Variants in PHYH observed in about 807,000 individuals in gnomAD.
PHYH encodes the protein phytanoyl-CoA 2-hydroxylase, also known as phytanoyl-CoA dioxygenase, peroxisomal.
In PHYH, 32 loss-of-function variants were observed where a neutral mutation model predicts 38.5. That is an observed-to-expected ratio of 0.83 (90% CI 0.63 to 1.12). PHYH has a LOEUF of 1.12. Among genes scored for constraint, PHYH ranks in the 50% most tolerant of loss-of-function variants. The pLI is 0.00. For missense variants in PHYH, 426 were observed against 434.8 expected (o/e 0.98, Z 0.18); for synonymous variants, 166 against 157.9 (o/e 1.05, Z -0.38).
intron 3 of PHYH, 178 bp from the exon 4 acceptor site, chr10:13,294,774 T>C: frequency 1.6e-6 from 1 of 627,544 alleles, no homozygotes; most frequent in East Asian, 2.8e-5. Flanking sequence ...TAGAATCCAT[T>C]CCCAGAATTA....
intron 5 of PHYH, 172 bp downstream of exon 5, chr10:13,291,659 T>A: frequency 3.3e-6 from 2 of 612,614 alleles, no homozygotes; most frequent in East Asian, 2.8e-5. Flanking sequence ...TAAATTTTAT[T>A]TTTAGAGACA....
At chr10:13,292,878 A>C (rs1012517601) in intron 4 of PHYH, among the ~76,000 whole-genome samples, 2 of 148,330 alleles carry the variant, frequency 1.3e-5, no homozygotes, top group Non-Finnish European at 3.0e-5. Context: ...GGTTGCAGTG[A>C]GCTGAGATCA....
At chr10:13,291,581 G>A in intron 5 of PHYH, 1 of 500,132 alleles carries the variant, frequency 2.0e-6, no homozygotes, top group Non-Finnish European at 3.6e-6. Flanking sequence ...CTGGGCTCAA[G>A]TGATCCTCCC....
Position 13,288,403 on chromosome 10 carries a change from G to C in PHYH, c.635C>G (p.Thr212Arg). ...GTGGGGCTTCAGGGAGCCCTTGTGT[G>C]TGCCTGGGAGCACAACCAGACAGCC... ...NNGCLVVLPG[T>R]HKGSLKPHDY... is the part of the protein sequence containing the mutation. The change falls in exon 6 of 9, where the codon ACA becomes AGA. Residue 212 changes from threonine (T) to arginine (R), a missense_variant. Coordinates refer to ENST00000263038, the MANE Select transcript of PHYH (RefSeq NM_006214.4). 1 of 1,614,142 alleles carries C rather than the reference G, an allele frequency of 6.2e-7. No homozygotes were observed. Among genetic ancestry groups the C allele is most frequent in the Non-Finnish European group, 8.5e-7 (1 of 1,180,028 alleles).
chr10:13,295,877 A>G (rs1282600375), intron 2 of PHYH, among the ~76,000 whole-genome samples: 1 of 151,788 alleles, frequency 6.6e-6, no homozygotes, highest in Non-Finnish European at 1.5e-5. Flanking sequence ...ATATGTATCA[A>G]GAACCTGAGG....
Position 13,278,247 on chromosome 10 carries a change from G to C in PHYH, c.*54C>G. On this transcript the variant is annotated 3_prime_UTR_variant, in exon 9 of 9. Coordinates refer to ENST00000263038, the MANE Select transcript of PHYH (RefSeq NM_006214.4). The stretch of plus-strand genomic sequence containing the variant: ...TCTCATTAAGAAAACATTTTCCTTA[G>C]ACATTTCGTTTGGTTTTGGTTTTCT... 2 of 1,168,624 alleles carry C rather than the reference G, an allele frequency of 1.7e-6. No homozygotes were observed. The highest frequency in any genetic ancestry group is 2.6e-6 in the Non-Finnish European group (2 of 773,910). The allele number at this position is 1,168,624 out of a possible 1,614,324, so 72.4% of individuals were successfully genotyped here.
intron 5 of PHYH, 107 bp from the exon 6 acceptor site, chr10:13,288,648 T>C: frequency 9.2e-7 from 1 of 1,090,038 alleles, no homozygotes; most frequent in Non-Finnish European, 1.4e-6. Flanking sequence ...AGTGGGAGGC[T>C]GAGGCAGATG....
intron 1 of PHYH, among the ~76,000 whole-genome samples, chr10:13,299,029 A>G (rs1832667121): frequency 6.7e-6 from 1 of 149,800 alleles, no homozygotes; most frequent in Non-Finnish European, 1.5e-5. Flanking sequence ...AGTCCCAACT[A>G]CTTAGGAGGC....
chr10:13,288,904 C>T (rs1368529823), intron 5 of PHYH, among the ~76,000 whole-genome samples: 2 of 136,486 alleles, frequency 1.5e-5, no homozygotes, highest in African/African-American at 2.8e-5. Context: ...GAGCGAGTCC[C>T]TGTCCCCCAC....
intron 4 of PHYH, among the ~76,000 whole-genome samples, chr10:13,293,627 T>C (rs566135546): frequency 9.9e-5 from 15 of 152,106 alleles, no homozygotes; most frequent in African/African-American, 3.4e-4. Context: ...ATTCAATCTT[T>C]GTTTTTTTCT....
chr10:13,286,856 C>T (rs1419515097), intron 6 of PHYH, among the ~76,000 whole-genome samples: 1 of 152,106 alleles, frequency 6.6e-6, no homozygotes, highest in Non-Finnish European at 1.5e-5. Flanking sequence ...GCAAACTAAC[C>T]TGCAGTAACA....
intron 7 of PHYH, among the ~76,000 whole-genome samples, chr10:13,282,879 G>A (rs1588507072): frequency 1.3e-5 from 2 of 152,178 alleles, no homozygotes; most frequent in African/African-American, 4.8e-5. Context: ...TGGAGAGAGT[G>A]CCCCAACTTG....
intron 1 of PHYH, among the ~76,000 whole-genome samples, chr10:13,298,922 A>AATAAT (rs758425959): frequency 1.2e-3 from 71 of 58,072 alleles, no homozygotes; most frequent in African/African-American, 3.2e-3. Flanking sequence ...TCCGTCTCAA[A>AATAAT]AATAATAATA....
At chr10:13,286,445 G>A (rs1835551734) in intron 6 of PHYH, among the ~76,000 whole-genome samples, 1 of 152,138 alleles carries the variant, frequency 6.6e-6, no homozygotes, top group Non-Finnish European at 1.5e-5. Flanking sequence ...GCCAGGCGCG[G>A]TGAGCCCAGC....
intron 4 of PHYH, among the ~76,000 whole-genome samples, chr10:13,293,287 T>C (rs1835757392): frequency 6.6e-6 from 1 of 152,010 alleles, no homozygotes; most frequent in Admixed American, 6.6e-5. Flanking sequence ...AGCTCACTTG[T>C]TTTTTGTTTT....
intron 1 of PHYH, among the ~76,000 whole-genome samples, chr10:13,298,570 G>A (rs1390431928): frequency 3.9e-5 from 6 of 152,026 alleles, no homozygotes; most frequent in Admixed American, 6.6e-5. Context: ...GCGTGGTGGC[G>A]TTCATTTGTA....
rs1014615805 is a variant in PHYH at position 13,298,211 on chromosome 10, G to T, written c.110C>A (p.Ala37Asp). The T allele has an allele frequency of 6.2e-7, 1 of 1,605,890 alleles. No homozygotes were observed. Among genetic ancestry groups the T allele is most frequent in the Non-Finnish European group, 8.5e-7 (1 of 1,172,572 alleles). Residue 37 changes from alanine to aspartate, a missense_variant, in exon 2 of 9, where the codon GCC becomes GAC. Transcript: ENST00000263038. ...AHPTSGTISS[A>D]SFHPQQFQYT... ...CTGGAATTGTTGAGGATGGAAACTGGCAGAGGAAATAGTCCCTGAAGTGGG... is the reference window on the plus strand; with the variant it reads ...CTGGAATTGTTGAGGATGGAAACTGTCAGAGGAAATAGTCCCTGAAGTGGG...
chr10:13,294,659 C>T (rs2131652381), intron 3 of PHYH, 63 bp from the exon 4 acceptor site: 2 of 1,453,134 alleles, frequency 1.4e-6, no homozygotes, highest in Middle Eastern at 1.7e-4. Flanking sequence ...CCCTGCCCTC[C>T]TCTGTGGAAA....
At chr10:13,280,667 T>C (rs964847853) in intron 8 of PHYH, among the ~76,000 whole-genome samples, 16 of 152,170 alleles carry the variant, frequency 1.1e-4, no homozygotes, top group African/African-American at 3.9e-4. Flanking sequence ...GTTTTGTCTT[T>C]GATTTTCTCT....
Sources: allele counts gnomAD v4.1 joint callset (sites outside exome capture counted in the v4.1 genomes callset), GRCh38; gene constraint gnomAD v4.1.1; transcripts MANE v1.5; gene names NCBI Gene and HGNC (gene_info 2026-07-23, HGNC 2026-07-21).